Variants in TNKS2 observed in about 807,000 individuals in gnomAD.
TNKS2 encodes poly [ADP-ribose] polymerase tankyrase-2.
Under a neutral mutation model 137.6 loss-of-function variants are expected in TNKS2, and 72 were observed. That is an observed-to-expected ratio of 0.52 (90% CI 0.43 to 0.64). TNKS2 has a LOEUF of 0.64. Among genes scored for constraint, TNKS2 ranks in the 30% least tolerant of loss-of-function variants. The pLI is 0.00. For missense variants in TNKS2, 1,049 were observed against 1,410.2 expected, an observed-to-expected ratio of 0.74 and a Z score of 4.10; for synonymous variants, 516 against 512.1, an observed-to-expected ratio of 1.01 and a Z score of -0.10.
At chr10:91,828,119 ACTGT>A (rs1380664754) in intron 8 of TNKS2, among the ~76,000 whole-genome samples, 162 bp from the exon 9 acceptor site, 6 of 152,144 alleles carry the variant, frequency 3.9e-5, no homozygotes, top group Non-Finnish European at 5.9e-5. Context: ...CTGGAGTACC[ACTGT>A]CTGTTTTCAG....
chr10:91,821,259 C>T (rs1844881896), intron 6 of TNKS2, among the ~76,000 whole-genome samples: 1 of 151,902 alleles, frequency 6.6e-6, no homozygotes, highest in South Asian at 2.1e-4. Flanking sequence ...GCTCAAACTC[C>T]TGACCTCAGG....
Position 91,862,118 on chromosome 10 carries a change from T to G in TNKS2, c.3401T>G (p.Leu1134Arg). 6.2e-7 allele frequency: 1 copy of G among 1,610,682 alleles called. No individual in the cohort carries two copies. Among genetic ancestry groups the G allele is most frequent in the Non-Finnish European group, 8.5e-7 (1 of 1,178,422 alleles). The change falls in exon 26 of 27, where the codon CTA becomes CGA. Residue 1134 changes from leucine to arginine, a missense_variant. Leu to Arg is a moderately radical substitution (Grantham distance 102). Transcript: ENST00000371627. ...ACTGGTAGGCCCAGTGTAAATGGCC[T>G]AGCATTAGCTGAATATGTTATTTAC... The part of the protein sequence containing the change: ...SVTGRPSVNG[L>R]ALAEYVIYRG...
chr10:91,841,552 C>G (rs1842211400), intron 15 of TNKS2, 104 bp downstream of exon 15: 2 of 769,146 alleles, frequency 2.6e-6, no homozygotes, highest in South Asian at 6.9e-5. Flanking sequence ...CAATGGGAAG[C>G]AATGTTACCT....
chr10:91,801,278 A>C (rs547009504), intron 1 of TNKS2, among the ~76,000 whole-genome samples: 18 of 152,342 alleles, frequency 1.2e-4, no homozygotes, highest in African/African-American at 4.3e-4. Flanking sequence ...CTGTTAATGA[A>C]GAAGATAGTC....
chr10:91,845,223 G>T (rs879847167), intron 17 of TNKS2, among the ~76,000 whole-genome samples, 195 bp downstream of exon 17: 1 of 152,142 alleles, frequency 6.6e-6, no homozygotes, highest in Non-Finnish European at 1.5e-5. Context: ...GTGTATTGTT[G>T]TTTGTTTTAT....
chr10:91,822,479 A>G (rs1258065718), intron 7 of TNKS2, 117 bp downstream of exon 7: 1 of 759,820 alleles, frequency 1.3e-6, no homozygotes, highest in African/African-American at 1.8e-5. Context: ...AAAAAAGTAG[A>G]AGTATTTATA....
chr10:91,842,494 C>A, intron 16 of TNKS2, 103 bp downstream of exon 16: 1 of 1,046,530 alleles, frequency 9.6e-7, no homozygotes, highest in Non-Finnish European at 1.4e-6. Flanking sequence ...TCAAATCAGG[C>A]CAAGCATGGT....
chr10:91,855,079 A>G lies in TNKS2; in HGVS notation c.2866A>G (p.Ile956Val), dbSNP rs778555979. The change falls in exon 22 of 27, where the codon ATA becomes GTA. Residue 956 changes from isoleucine (I) to valine (V), a missense_variant. Transcript: ENST00000371627. Reference sequence around the variant, plus strand: ...CACCTCTGGTAGTGGAACAATTCTTATAGATCTGTCTCCTGATGATAAAGA... The same window carrying G: ...CACCTCTGGTAGTGGAACAATTCTTGTAGATCTGTCTCCTGATGATAAAGA... ...LNTSGSGTIL[I>V]DLSPDDKEFQ... The G allele has an allele frequency of 6.2e-7, 1 of 1,612,174 alleles. No individual in the cohort carries two copies. The highest frequency in any genetic ancestry group is 8.5e-7 in the Non-Finnish European group (1 of 1,178,664).
Position 91,864,980 on chromosome 10 carries a change from G to A in TNKS2, c.*1981G>A, listed in dbSNP as rs1214192892. On this transcript the variant is annotated 3_prime_UTR_variant, in exon 27 of 27. Transcript: ENST00000371627. Reference sequence around the variant, plus strand: ...ATCTAATCCATTGCTTAATGAGTGTGTTTTTCCATGAATGAATATACCGTG... The same window carrying A: ...ATCTAATCCATTGCTTAATGAGTGTATTTTTCCATGAATGAATATACCGTG... 2 of 152,356 alleles carry A rather than the reference G, an allele frequency of 1.3e-5. No homozygotes were observed. The allele number at this position is 152,356 out of a possible 1,614,324, so 9.4% of individuals were successfully genotyped here.
intron 25 of TNKS2, among the ~76,000 whole-genome samples, chr10:91,861,196 G>A (rs1842841114): frequency 6.6e-6 from 1 of 152,034 alleles, no homozygotes; most frequent in African/African-American, 2.4e-5. Context: ...AAATTGAGTG[G>A]GTATCAGCCA....
rs1480063250 is a variant in TNKS2 at position 91,811,059 on chromosome 10, G to T, written c.200-1924G>T. 3.3e-5 allele frequency among the ~76,000 whole-genome samples: 5 copies of T among 149,712 alleles called. No individual in the cohort carries two copies. In the Admixed American group the frequency reaches 3.3e-4, roughly 10 times the overall value. On this transcript the variant is annotated intron_variant, in intron 1 of 26. Coordinates refer to ENST00000371627, the MANE Select transcript of TNKS2 (RefSeq NM_025235.4). Reference sequence around the variant, plus strand: ...TCTGTCTCAGCTTCCCATGTAGCTGGGATTACAGGCACGCGCCACCACGCC... The same window carrying T: ...TCTGTCTCAGCTTCCCATGTAGCTGTGATTACAGGCACGCGCCACCACGCC...
chr10:91,849,974 C>CT (rs1387175367), intron 20 of TNKS2, among the ~76,000 whole-genome samples: 6 of 152,196 alleles, frequency 3.9e-5, no homozygotes, highest in African/African-American at 1.4e-4. Context: ...TTAAAGTACT[C>CT]TGTCAGAATA....
In TNKS2 at chr10:91,840,618, C is replaced by T; in HGVS notation, c.1585C>T (p.Pro529Ser). 6 of 1,614,074 alleles carry T rather than the reference C, an allele frequency of 3.7e-6. No individual in the cohort carries two copies. The highest frequency in any genetic ancestry group is 5.1e-6 in the Non-Finnish European group (6 of 1,179,966). ...CRDIEGRQST[P>S]LHFAAGYNRV... ...AGACATTGAAGGGCGTCAGTCTACA[C>T]CACTTCATTTTGCAGCTGGGTATAA... Residue 529 changes from proline (P) to serine (S), a missense_variant, in exon 14 of 27, where the codon CCA (proline) becomes TCA (serine). Physicochemically the swap from Pro to Ser is moderately conservative, Grantham distance 74 (BLOSUM62 -1). Around this residue, in one of 6 missense-constraint regions of TNKS2, gnomAD observed 328 missense variants for 436.0 expected, o/e 0.75. Transcript: ENST00000371627.
chr10:91,825,599 A>G (rs1465225422), intron 7 of TNKS2, among the ~76,000 whole-genome samples: 1 of 152,236 alleles, frequency 6.6e-6, no homozygotes, highest in Non-Finnish European at 1.5e-5. Context: ...GAAGTTCTCT[A>G]GTAATTATAA....
chr10:91,855,182 ATCCTCTTGTTTCTTTT>A, intron 22 of TNKS2, 56 bp downstream of exon 22: 1 of 1,077,722 alleles, frequency 9.3e-7, no homozygotes. Context: ...TTCACTTTGT[ATCCTCTTGTTTCTTTT>A]TCTTCCTTTA....
At chr10:91,801,390 G>A (rs1844160765) in intron 1 of TNKS2, among the ~76,000 whole-genome samples, 1 of 151,894 alleles carries the variant, frequency 6.6e-6, no homozygotes, top group Non-Finnish European at 1.5e-5. Context: ...TAATTCCTTA[G>A]GAGAAAAATG....
In TNKS2 at chr10:91,855,630, G is replaced by A. The variant is rs1453244526; in HGVS notation, c.2930G>A (p.Arg977Gln). The A allele has an allele frequency of 4.3e-6, 7 of 1,611,478 alleles. No homozygotes were observed. Among genetic ancestry groups the A allele is most frequent in the Non-Finnish European group, 5.9e-6 (7 of 1,178,802 alleles). The change falls in exon 23 of 27, where the codon CGA becomes CAA. Residue 977 changes from arginine (R) to glutamine (Q), a missense_variant. This residue lies in a region of TNKS2 where 133 missense variants were observed against 248.4 expected (regional missense o/e 0.54). Coordinates refer to ENST00000371627, the MANE Select transcript of TNKS2 (RefSeq NM_025235.4). ...TTCTGACAGATGCAAAGTACAGTTC[G>A]AGAGCACAGAGATGGAGGTCATGCA... is the stretch of plus-strand genomic sequence containing the variant. ...SVEEEMQSTV[R>Q]EHRDGGHAGG...
chr10:91,800,228 C>G (rs1223999106), intron 1 of TNKS2, among the ~76,000 whole-genome samples: 1 of 152,020 alleles, frequency 6.6e-6, no homozygotes, highest in Non-Finnish European at 1.5e-5. Flanking sequence ...CCTTTTTGCC[C>G]GAAATTTCGG....
At chr10:91,810,910 C>G (rs369094697) in intron 1 of TNKS2, among the ~76,000 whole-genome samples, 1 of 49,710 alleles carries the variant, frequency 2.0e-5, no homozygotes, top group Non-Finnish European at 3.8e-5. Context: ...TTCTTTCTCT[C>G]TTTTCTTTTC....
Sources: gnomAD v4.1 joint callset for allele counts (sites outside exome capture counted in the v4.1 genomes callset) on GRCh38, gnomAD v4.1.1 for gene constraint, gnomAD v4.1.1 regional missense constraint, MANE v1.5 for transcripts, NCBI Gene and HGNC (gene_info 2026-07-23, HGNC 2026-07-21) for gene names.